Variants in TAOK3 observed in about 807,000 individuals in gnomAD.
TAOK3 encodes the protein serine/threonine-protein kinase TAO3.
A neutral mutation model predicts 120.4 loss-of-function variants in TAOK3; 40 were observed. That is an observed-to-expected ratio of 0.33 (90% CI 0.26 to 0.43). The LOEUF (loss-of-function observed/expected upper bound fraction) is 0.43, where lower values mean the gene tolerates loss of function less well. Among genes scored for constraint, TAOK3 ranks in the 20% least tolerant of loss-of-function variants. The pLI is 1.00. For missense variants in TAOK3, 821 were observed against 1,112.1 expected, an observed-to-expected ratio of 0.74 and a Z score of 3.72; for synonymous variants, 355 against 387.5, an observed-to-expected ratio of 0.92 and a Z score of 0.99.
chr12:118,259,944 T>C (rs1217197991), intron 2 of TAOK3, among the ~76,000 whole-genome samples: 1 of 152,074 alleles, frequency 6.6e-6, no homozygotes, highest in African/African-American at 2.4e-5. Context: ...AAAAACAATC[T>C]GAAAGGAATA....
At position 118,159,826 on chromosome 12, in the gene TAOK3, G is replaced by A. The variant is rs912469691; in HGVS notation, c.2352+320C>T. 2.5e-5 allele frequency: 9 copies of A among 353,780 alleles called. No individual in the cohort carries two copies. In the East Asian group the frequency reaches 4.7e-4, roughly 18 times the overall value. 21.9% of individuals were successfully genotyped at this position (353,780 alleles called of 1,614,324 possible). On this transcript the variant is annotated intron_variant, in intron 19 of 20. Coordinates refer to ENST00000392533, the MANE Select transcript of TAOK3 (RefSeq NM_016281.4). ...TTCATTTGTGCCTGATATTAGTTGC[G>A]GGGAGGGCAGTCAGTAAAATCTTTC... is the stretch of plus-strand genomic sequence containing the variant.
intron 1 of TAOK3, among the ~76,000 whole-genome samples, chr12:118,346,999 A>G (rs2044886275): frequency 1.3e-5 from 2 of 151,940 alleles, no homozygotes; most frequent in Non-Finnish European, 2.9e-5. Context: ...GTCCAACAAT[A>G]GGCCTTTTTT....
chr12:118,156,896 A>C (rs2034867092), intron 19 of TAOK3, among the ~76,000 whole-genome samples: 1 of 151,910 alleles, frequency 6.6e-6, no homozygotes, highest in Admixed American at 6.6e-5. Context: ...TGTGCCACCA[A>C]GCCCAACTGA....
rs1231900508 is a variant in TAOK3 at position 118,181,391 on chromosome 12, C to A, written c.1546G>T (p.Val516Leu). The A allele has an allele frequency of 1.9e-6, 3 of 1,613,906 alleles. No individual in the cohort carries two copies. Among genetic ancestry groups the A allele is most frequent in the Non-Finnish European group, 1.7e-6 (2 of 1,179,944 alleles). ...IELEKLAKKQ[V>L]AIIEKEAKVA... ...CTGACCTCCTTTTCTATGATAGCCA[C>A]TTGCTTCTTGGCCAGCTTCTCCAGC... Residue 516 changes from valine to leucine, a missense_variant, in exon 15 of 21, where the codon GTG (valine) becomes TTG (leucine). Val to Leu is a conservative substitution (Grantham distance 32). This residue lies in a region of TAOK3 where 354 missense variants were observed against 572.1 expected (regional missense o/e 0.62). Transcript: ENST00000392533.
intron 1 of TAOK3, among the ~76,000 whole-genome samples, chr12:118,298,385 C>A (rs941316939): frequency 2.0e-5 from 3 of 152,192 alleles, no homozygotes; most frequent in African/African-American, 4.8e-5. Flanking sequence ...ACGGACTATA[C>A]TGAATTGCAA....
intron 1 of TAOK3, among the ~76,000 whole-genome samples, chr12:118,316,786 T>C (rs1034012490): frequency 6.6e-6 from 1 of 152,102 alleles, no homozygotes; most frequent in Non-Finnish European, 1.5e-5. Flanking sequence ...ATTAAATAAA[T>C]TTAGCAAAGT....
intron 2 of TAOK3, among the ~76,000 whole-genome samples, chr12:118,256,478 T>C (rs1234419520): frequency 6.6e-6 from 1 of 152,130 alleles, no homozygotes; most frequent in Non-Finnish European, 1.5e-5. Flanking sequence ...AGCACCATTA[T>C]TCATAATAAC....
At chr12:118,234,611 T>C (rs2039945735) in intron 8 of TAOK3, among the ~76,000 whole-genome samples, 1 of 151,896 alleles carries the variant, frequency 6.6e-6, no homozygotes, top group South Asian at 2.1e-4. Flanking sequence ...GGCGCCATCT[T>C]GGCTTACTGC....
At chr12:118,199,364 C>A in intron 12 of TAOK3, 107 bp from the exon 13 acceptor site, 1 of 832,666 alleles carries the variant, frequency 1.2e-6, no homozygotes, top group East Asian at 2.6e-5. Context: ...AGTTGCTTTT[C>A]TGCCAATCTG....
At chr12:118,277,329 ATTC>A (rs2041937295) in intron 1 of TAOK3, among the ~76,000 whole-genome samples, 1 of 151,952 alleles carries the variant, frequency 6.6e-6, no homozygotes. Flanking sequence ...TTCCATTTCT[ATTC>A]TTTTCTCATT....
chr12:118,364,106 A>G (rs2045681201), intron 1 of TAOK3, among the ~76,000 whole-genome samples: 1 of 152,178 alleles, frequency 6.6e-6, no homozygotes, highest in Non-Finnish European at 1.5e-5. Flanking sequence ...ATTGCACTCC[A>G]GCCTGGGCAA....
intron 17 of TAOK3, among the ~76,000 whole-genome samples, chr12:118,167,874 TGCTCTCTGTGTCATGGAA>T (rs2035710024): frequency 1.3e-5 from 2 of 152,172 alleles, no homozygotes; most frequent in African/African-American, 4.8e-5. Flanking sequence ...CATGAGCCCT[TGCTCTCTGTGTCATGGAA>T]GTTGCTTTAC....
At chr12:118,291,857 C>CA (rs2042496385) in intron 1 of TAOK3, among the ~76,000 whole-genome samples, 1 of 152,034 alleles carries the variant, frequency 6.6e-6, no homozygotes, top group Non-Finnish European at 1.5e-5. Flanking sequence ...CTCTGTTGCC[C>CA]AGGTTGGAGT....
At chr12:118,239,339 A>G (rs1003701126) in intron 5 of TAOK3, 67 bp from the exon 6 acceptor site, 16 of 884,642 alleles carry the variant, frequency 1.8e-5, no homozygotes, top group Middle Eastern at 3.3e-4. Context: ...AACCAACTAA[A>G]CAACCAATCA....
intron 13 of TAOK3, among the ~76,000 whole-genome samples, chr12:118,196,149 G>T (rs533582040): frequency 6.6e-6 from 1 of 152,084 alleles, no homozygotes; most frequent in Non-Finnish European, 1.5e-5. Context: ...CAGAGTAGAG[G>T]CAAGGACTGG....
chr12:118,172,091 T>C (rs1033704458), intron 17 of TAOK3, among the ~76,000 whole-genome samples: 1 of 152,226 alleles, frequency 6.6e-6, no homozygotes, highest in Non-Finnish European at 1.5e-5. Context: ...AGCATCATAA[T>C]GTTACTTAAA....
At chr12:118,339,454 T>C (rs1376974173) in intron 1 of TAOK3, among the ~76,000 whole-genome samples, 1 of 152,050 alleles carries the variant, frequency 6.6e-6, no homozygotes, top group Non-Finnish European at 1.5e-5. Flanking sequence ...TTAATGGAAG[T>C]TAAGTCTTCA....
intron 1 of TAOK3, among the ~76,000 whole-genome samples, chr12:118,294,857 T>C (rs2042617080): frequency 6.6e-6 from 1 of 152,168 alleles, no homozygotes; most frequent in Non-Finnish European, 1.5e-5. Context: ...TCAAGGCTTT[T>C]GGTCAGAGTG....
At chr12:118,211,217 A>G (rs996581331) in intron 11 of TAOK3, among the ~76,000 whole-genome samples, 8 of 152,222 alleles carry the variant, frequency 5.3e-5, no homozygotes, top group Non-Finnish European at 8.8e-5. Context: ...AGATGGAATC[A>G]AATCAAAGGA....
Sources: allele counts gnomAD v4.1 joint callset (sites outside exome capture counted in the v4.1 genomes callset), GRCh38; gene constraint gnomAD v4.1.1; regional missense constraint gnomAD v4.1.1; transcripts MANE v1.5; gene names NCBI Gene and HGNC (gene_info 2026-07-23, HGNC 2026-07-21).